The following NALCN variants were observed in gnomAD, a reference collection of about 807,000 sequenced individuals.
The protein encoded by NALCN is sodium leak channel NALCN.
NALCN carries 111 observed loss-of-function variants against 225.3 expected under a neutral mutation model. The observed-to-expected ratio is 0.49, with a 90% CI of 0.42 to 0.58. The LOEUF is 0.58. Among genes scored for constraint, NALCN ranks in the 20% least tolerant of loss-of-function variants. The pLI, the probability that NALCN is intolerant of heterozygous loss-of-function variation, is 0.00. For missense variants in NALCN, 1,378 were observed against 2,202.4 expected, an observed-to-expected ratio of 0.63 and a Z score of 7.49; for synonymous variants, 764 against 769.0, an observed-to-expected ratio of 0.99 and a Z score of 0.11.
intron 9 of NALCN, among the ~76,000 whole-genome samples, chr13:101,289,570 T>C (rs943831979): frequency 6.9e-6 from 1 of 145,480 alleles, no homozygotes; most frequent in Non-Finnish European, 1.6e-5. Context: ...TCTATACACA[T>C]GGCTGTTATG....
chr13:101,172,690 G>A (rs913508760), intron 15 of NALCN, among the ~76,000 whole-genome samples: 2 of 152,136 alleles, frequency 1.3e-5, no homozygotes, highest in African/African-American at 4.8e-5. Context: ...CTCCCAAGTA[G>A]CTGGGACTAC....
At chr13:101,254,865 T>C (rs1369517152) in intron 11 of NALCN, among the ~76,000 whole-genome samples, 1 of 49,782 alleles carries the variant, frequency 2.0e-5, no homozygotes, top group South Asian at 8.5e-4. Context: ...CACTCCAGCC[T>C]GGGCGACAGA....
intron 16 of NALCN, 119 bp downstream of exon 16, chr13:101,144,641 A>G: frequency 2.2e-6 from 2 of 929,872 alleles, no homozygotes; most frequent in Non-Finnish European, 3.1e-6. Flanking sequence ...TAGAAAGATG[A>G]CAATAAAATA....
chr13:101,101,512 C>G (rs905671194), intron 26 of NALCN, among the ~76,000 whole-genome samples: 9 of 152,058 alleles, frequency 5.9e-5, no homozygotes, highest in African/African-American at 2.2e-4. Context: ...AACTCCTGAC[C>G]TCAGGCAATC....
intron 40 of NALCN, among the ~76,000 whole-genome samples, chr13:101,064,407 A>G (rs1484135562): frequency 2.0e-5 from 3 of 152,216 alleles, no homozygotes; most frequent in African/African-American, 7.2e-5. Context: ...TTGGAGTCCT[A>G]ACCTCTAGTA....
Position 101,057,969 on chromosome 13 carries a change from T to C in NALCN, c.4993A>G (p.Arg1665Gly). 1 of 1,613,978 alleles carries C rather than the reference T, an allele frequency of 6.2e-7. No homozygotes were observed. The highest frequency in any genetic ancestry group is 8.5e-7 in the Non-Finnish European group (1 of 1,180,024). The change falls in exon 43 of 44, where the codon AGG becomes GGG. Residue 1665 changes from arginine to glycine, a missense_variant. Physicochemically the swap from Arg to Gly is moderately radical, Grantham distance 125. Coordinates refer to ENST00000251127, the MANE Select transcript of NALCN (RefSeq NM_052867.4). The stretch of plus-strand genomic sequence containing the variant: ...GGCAGACGCCACTGCCCAAATTTCC[T>C]CTGGGGTTTCCCTGCGTCGGCTGCA... ...QDAADAGKPQ[R>G]KFGQWRLPSA...
At chr13:101,166,212 G>C (rs1476136610) in intron 15 of NALCN, among the ~76,000 whole-genome samples, 5 of 152,204 alleles carry the variant, frequency 3.3e-5, no homozygotes, top group Non-Finnish European at 7.3e-5. Flanking sequence ...GAACATGAGT[G>C]TGCAAATATG....
chr13:101,315,241 T>C (rs1375592998), intron 7 of NALCN, among the ~76,000 whole-genome samples: 1 of 152,186 alleles, frequency 6.6e-6, no homozygotes, highest in Admixed American at 6.5e-5. Context: ...AATCATTAAT[T>C]CTAGAAAGTC....
At chr13:101,082,931 A>C in intron 32 of NALCN, 48 bp from the exon 33 acceptor site, 1 of 1,606,908 alleles carries the variant, frequency 6.2e-7, no homozygotes, top group Non-Finnish European at 8.5e-7. Flanking sequence ...CATCGGACAC[A>C]TACAGGCTTG....
intron 7 of NALCN, among the ~76,000 whole-genome samples, chr13:101,311,337 T>C (rs1007875247): frequency 6.0e-4 from 91 of 152,012 alleles, no homozygotes; most frequent in African/African-American, 2.1e-3. Context: ...CTTTTCCTAA[T>C]TGAATACCCT....
At chr13:101,356,807 G>A (rs1450782066) in intron 6 of NALCN, among the ~76,000 whole-genome samples, 1 of 152,046 alleles carries the variant, frequency 6.6e-6, no homozygotes, top group South Asian at 2.1e-4. Context: ...CTGGCAAACC[G>A]AATCCAACAG....
At chr13:101,156,443 T>G (rs1386209733) in intron 15 of NALCN, among the ~76,000 whole-genome samples, 1 of 152,182 alleles carries the variant, frequency 6.6e-6, no homozygotes, top group Non-Finnish European at 1.5e-5. Flanking sequence ...TACTAACTCA[T>G]GTACACACAC....
chr13:101,240,339 TTCTC>T (rs1024209352), intron 11 of NALCN, among the ~76,000 whole-genome samples: 19 of 150,414 alleles, frequency 1.3e-4, no homozygotes, highest in South Asian at 2.1e-4. Context: ...CTATCTTTCT[TTCTC>T]TCTCTCTCTC....
Position 101,166,340 on chromosome 13 carries a change from G to GCAC in NALCN, c.1839+9957_1839+9959dup, listed in dbSNP as rs550549122. On this transcript the variant is annotated intron_variant, in intron 15 of 43. Coordinates refer to ENST00000251127, the MANE Select transcript of NALCN (RefSeq NM_052867.4). ...TGCCATACTGTTTTCCGCAGCAGCA[G>GCAC]CACCATTTTACATTCTCATCAACAA... 8.1e-3 allele frequency among the ~76,000 whole-genome samples: 1,238 copies of GCAC among 151,960 alleles called. 15 individuals are homozygous for GCAC. Among genetic ancestry groups the GCAC allele is most frequent in the South Asian group, 0.056 (270 of 4,810 alleles).
intron 10 of NALCN, among the ~76,000 whole-genome samples, chr13:101,270,107 A>C (rs1444910695): frequency 1.3e-5 from 2 of 152,184 alleles, no homozygotes; most frequent in East Asian, 3.9e-4. Context: ...TTGAATATAC[A>C]TGATGTTTTA....
chr13:101,116,303 A>G (rs2035704456), intron 18 of NALCN: 1 of 151,474 alleles, frequency 6.6e-6, no homozygotes, highest in South Asian at 2.0e-4. Flanking sequence ...ATTGCTCCTT[A>G]TATGACAGCC....
intron 3 of NALCN, among the ~76,000 whole-genome samples, chr13:101,390,461 G>A (rs2047113463): frequency 6.6e-6 from 1 of 151,816 alleles, no homozygotes; most frequent in African/African-American, 2.4e-5. Context: ...GGAAAGGAAA[G>A]ACCAAACCAT....
chr13:101,146,951 C>A (rs540102888), intron 15 of NALCN, among the ~76,000 whole-genome samples: 2 of 152,212 alleles, frequency 1.3e-5, no homozygotes, highest in South Asian at 4.1e-4. Context: ...AAAATGAAGG[C>A]ACTACTTCTA....
intron 18 of NALCN, among the ~76,000 whole-genome samples, chr13:101,114,336 G>A (rs1001373409): frequency 3.3e-5 from 5 of 151,964 alleles, no homozygotes; most frequent in South Asian, 2.1e-4. Flanking sequence ...AAACATCAAC[G>A]CTTTCTTTGA....
Sources: gnomAD v4.1 joint callset for allele counts (sites outside exome capture counted in the v4.1 genomes callset) on GRCh38, gnomAD v4.1.1 for gene constraint, MANE v1.5 for transcripts, NCBI Gene and HGNC (gene_info 2026-07-23, HGNC 2026-07-21) for gene names.